Variants in GRID2 observed in about 807,000 individuals in gnomAD.
GRID2 encodes the protein glutamate receptor ionotropic, delta-2.
GRID2 carries 33 observed loss-of-function variants against 114.8 expected under a neutral mutation model. The observed-to-expected ratio is 0.29, with a 90% CI of 0.22 to 0.38. The LOEUF (loss-of-function observed/expected upper bound fraction) is 0.38, where lower values mean the gene tolerates loss of function less well. GRID2 is among the 10% of genes least tolerant of loss of function. The pLI, the probability that GRID2 is intolerant of heterozygous loss-of-function variation, is 1.00. For synonymous variants in GRID2, 505 were observed against 449.9 expected (o/e 1.12, Z -1.55); for missense variants, 1,184 against 1,257.7 (o/e 0.94, Z 0.89).
chr4:93,354,914 T>C lies in GRID2; in HGVS notation c.1246-40693T>C, dbSNP rs538514972. 1.2e-4 allele frequency among the ~76,000 whole-genome samples: 18 copies of C among 148,482 alleles called. No homozygotes were observed. In the South Asian group the frequency reaches 3.9e-3, roughly 32 times the overall value. On this transcript the variant is annotated intron_variant, in intron 8 of 15. Coordinates refer to ENST00000282020, the MANE Select transcript of GRID2 (RefSeq NM_001510.4). ...AGACCTAAATGCCTACTAGATATTT[T>C]TGCCTGGTTGCCCCCTGAGTGTGTG... is the stretch of plus-strand genomic sequence containing the variant.
intron 14 of GRID2, among the ~76,000 whole-genome samples, chr4:93,719,467 A>AT (rs1233947423): frequency 2.6e-5 from 4 of 151,770 alleles, no homozygotes; most frequent in African/African-American, 4.8e-5. Context: ...AGATAAAGTG[A>AT]TTTTTTTTCT....
At chr4:92,822,269 G>A (rs936821701) in intron 2 of GRID2, 13 of 570,626 alleles carry the variant, frequency 2.3e-5, no homozygotes, top group South Asian at 7.0e-5. Context: ...TGTTGAGATC[G>A]CATGGCATGG....
At chr4:92,436,430 A>G (rs577164378) in intron 1 of GRID2, among the ~76,000 whole-genome samples, 1 of 152,296 alleles carries the variant, frequency 6.6e-6, no homozygotes, top group Admixed American at 6.5e-5. Flanking sequence ...TTATAGGGCT[A>G]AAGATTTCAG....
intron 2 of GRID2, among the ~76,000 whole-genome samples, chr4:92,900,632 C>T (rs1747498859): frequency 6.6e-6 from 1 of 152,056 alleles, no homozygotes; most frequent in African/African-American, 2.4e-5. Context: ...AGATCGAGAC[C>T]ATCCTGGCTA....
chr4:92,547,414 T>C (rs544593750), intron 1 of GRID2, among the ~76,000 whole-genome samples: 19 of 152,298 alleles, frequency 1.2e-4, no homozygotes, highest in African/African-American at 4.6e-4. Flanking sequence ...TTTTTATGTA[T>C]GAGTTGATTA....
intron 1 of GRID2, among the ~76,000 whole-genome samples, chr4:92,522,193 G>A (rs1724818329): frequency 6.6e-6 from 1 of 151,852 alleles, no homozygotes; most frequent in South Asian, 2.1e-4. Flanking sequence ...ATATTTGGGA[G>A]AAGAGCATTC....
intron 1 of GRID2, among the ~76,000 whole-genome samples, chr4:92,469,770 T>C (rs1282541240): frequency 1.3e-5 from 2 of 151,832 alleles, no homozygotes; most frequent in African/African-American, 2.4e-5. Context: ...AATTTTTTTT[T>C]CTTAAAGGTA....
chr4:93,756,569 C>G (rs761298107), intron 14 of GRID2, among the ~76,000 whole-genome samples: 2 of 152,110 alleles, frequency 1.3e-5, no homozygotes, highest in Non-Finnish European at 2.9e-5. Flanking sequence ...AAAGAGAGAG[C>G]AAACATGATG....
At chr4:92,809,962 CTT>C (rs1740592228) in intron 2 of GRID2, among the ~76,000 whole-genome samples, 1 of 151,986 alleles carries the variant, frequency 6.6e-6, no homozygotes, top group East Asian at 1.9e-4. Flanking sequence ...GTCCTGTTCA[CTT>C]TTCATTTTTG....
At chr4:93,755,688 T>C (rs758320308) in intron 14 of GRID2, among the ~76,000 whole-genome samples, 2 of 152,206 alleles carry the variant, frequency 1.3e-5, no homozygotes, top group African/African-American at 2.4e-5. Context: ...TTAATGATGT[T>C]ACAATTTTAA....
chr4:93,418,084 A>T (rs1767899570), intron 9 of GRID2, among the ~76,000 whole-genome samples: 1 of 151,454 alleles, frequency 6.6e-6, no homozygotes, highest in Non-Finnish European at 1.5e-5. Context: ...ATGCTACTAG[A>T]CAAGTCAAAA....
chr4:92,401,917 C>T (rs1730806310), intron 1 of GRID2, among the ~76,000 whole-genome samples: 1 of 152,104 alleles, frequency 6.6e-6, no homozygotes, highest in African/African-American at 2.4e-5. Flanking sequence ...AGCATTTTAC[C>T]CACAGTAGAA....
At chr4:93,442,475 C>A (rs985571269) in intron 10 of GRID2, among the ~76,000 whole-genome samples, 1 of 151,936 alleles carries the variant, frequency 6.6e-6, no homozygotes, top group African/African-American at 2.4e-5. Flanking sequence ...GTAACTTTTT[C>A]CCCCACTTAG....
intron 14 of GRID2, among the ~76,000 whole-genome samples, chr4:93,662,281 T>A (rs1302826217): frequency 6.6e-6 from 1 of 152,150 alleles, no homozygotes; most frequent in African/African-American, 2.4e-5. Flanking sequence ...TTCATCCCTC[T>A]TTCTGCTTTG....
intron 2 of GRID2, among the ~76,000 whole-genome samples, chr4:92,845,306 G>A (rs1206023777): frequency 6.6e-6 from 1 of 152,048 alleles, no homozygotes; most frequent in Non-Finnish European, 1.5e-5. Context: ...CAGTAGCCCT[G>A]TAACAATTTC....
intron 2 of GRID2, among the ~76,000 whole-genome samples, chr4:92,637,397 A>G (rs1456560148): frequency 6.6e-6 from 1 of 152,050 alleles, no homozygotes; most frequent in Non-Finnish European, 1.5e-5. Context: ...AATAGAATGT[A>G]TATTTTTGGC....
chr4:92,521,162 A>G (rs1474484011), intron 1 of GRID2, among the ~76,000 whole-genome samples: 2 of 151,936 alleles, frequency 1.3e-5, no homozygotes, highest in African/African-American at 4.8e-5. Flanking sequence ...CTCCCTAACC[A>G]GTAGTAATCA....
chr4:92,466,333 CAG>C lies in GRID2; in HGVS notation c.89-123793_89-123792del, dbSNP rs988254394. ...TTTTCACTGCCTTTCAGAGTTTGTA[CAG>C]AGAGTTAAAACTATTTTTCTTTTTC... On this transcript the variant is annotated intron_variant, in intron 1 of 15. Coordinates refer to ENST00000282020, the MANE Select transcript of GRID2 (RefSeq NM_001510.4). 5.3e-5 allele frequency among the ~76,000 whole-genome samples: 8 copies of C among 151,954 alleles called. No homozygotes were observed. In the East Asian group the frequency reaches 9.7e-4, roughly 18 times the overall value.
intron 14 of GRID2, among the ~76,000 whole-genome samples, chr4:93,659,348 G>A (rs763882904): frequency 2.6e-5 from 4 of 152,032 alleles, no homozygotes; most frequent in Admixed American, 6.6e-5. Flanking sequence ...TAAAGTTGTC[G>A]TCACACCTGG....
Sources: gnomAD v4.1 joint callset for allele counts (sites outside exome capture counted in the v4.1 genomes callset) on GRCh38, gnomAD v4.1.1 for gene constraint, MANE v1.5 for transcripts, NCBI Gene and HGNC (gene_info 2026-07-23, HGNC 2026-07-21) for gene names.